MAP2: variants seen among roughly 807,000 people sequenced by gnomAD.
MAP2 encodes microtubule associated protein 2.
Under a neutral mutation model 137.6 loss-of-function variants are expected in MAP2, and 14 were observed. That is an observed-to-expected ratio of 0.10 (90% CI 0.07 to 0.16). The LOEUF (loss-of-function observed/expected upper bound fraction) is 0.16, where lower values mean the gene tolerates loss of function less well. Among genes scored for constraint, MAP2 ranks in the 10% least tolerant of loss-of-function variants. The pLI is 1.00. For missense variants in MAP2, 2,088 were observed against 2,191.5 expected (o/e 0.95, Z 0.94); for synonymous variants, 786 against 782.3 (o/e 1.00, Z -0.08).
At chr2:209,716,512 A>T (rs984713806) in intron 13 of MAP2, among the ~76,000 whole-genome samples, 2 of 152,236 alleles carry the variant, frequency 1.3e-5, no homozygotes, top group Non-Finnish European at 2.9e-5. Context: ...TAAACTTTTT[A>T]AAAACATTTT....
In MAP2 at chr2:209,449,788, T is replaced by A. The variant is rs183446860; in HGVS notation, c.-222+25512T>A. The stretch of plus-strand genomic sequence containing the variant: ...CAGATCTGAATAGGCTTTCATTGTG[T>A]ATGTCTGAAAAGATTTTGTATTGAA... On this transcript the variant is annotated intron_variant, in intron 1 of 15. Coordinates refer to ENST00000682079, the MANE Select transcript of MAP2 (RefSeq NM_001375505.1). Among the ~76,000 whole-genome samples, 467 of 152,318 alleles carry A rather than the reference T, an allele frequency of 3.1e-3. 2 individuals carry two copies. Among genetic ancestry groups the A allele is most frequent in the African/African-American group, 0.011 (439 of 41,582 alleles).
intron 4 of MAP2, among the ~76,000 whole-genome samples, chr2:209,647,048 A>G (rs73072859): frequency 0.017 from 2,558 of 152,252 alleles, 77 homozygotes; most frequent in African/African-American, 0.059. Context: ...GAAACCTTAC[A>G]GTCATGGTAG....
rs571719529 is a variant in MAP2 at position 209,570,282 on chromosome 2, C to T, written c.-171-9754C>T. Among the ~76,000 whole-genome samples the T allele has an allele frequency of 3.9e-5, 6 of 151,902 alleles. No individual in the cohort carries two copies. The South Asian group carries it at 6.2e-4, about 16-fold the overall frequency. On this transcript the variant is annotated intron_variant, in intron 2 of 15. Coordinates refer to ENST00000682079, the MANE Select transcript of MAP2 (RefSeq NM_001375505.1). The stretch of plus-strand genomic sequence containing the variant: ...GGAAAATTCTTAGTTCTATGTTTAT[C>T]TCTTCCTCTTCTGATACCTTCTAAG...
Position 209,535,417 on chromosome 2 carries a change from T to C in MAP2, c.-172+27776T>C, listed in dbSNP as rs114753386. On this transcript the variant is annotated intron_variant, in intron 2 of 15. Transcript: ENST00000682079. ...CACATTGTGGTAGACAGGTCTTTGA[T>C]CCCTGCAAAGCTTTAAGAACACTTT... 9.6e-3 allele frequency among the ~76,000 whole-genome samples: 1,457 copies of C among 152,320 alleles called. 18 individuals are homozygous for C. Among genetic ancestry groups the C allele is most frequent in the African/African-American group, 0.034 (1,398 of 41,560 alleles).
At chr2:209,539,923 C>A (rs2066614452) in intron 2 of MAP2, among the ~76,000 whole-genome samples, 1 of 141,328 alleles carries the variant, frequency 7.1e-6, no homozygotes, top group East Asian at 2.0e-4. Context: ...CATAGTGAGA[C>A]CCCATCTCAC....
At position 209,620,681 on chromosome 2, in the gene MAP2, A is replaced by G. The variant is rs186123743; in HGVS notation, c.-106-4372A>G. 1.4e-3 allele frequency among the ~76,000 whole-genome samples: 206 copies of G among 152,284 alleles called. 1 individual carries two copies. The highest frequency in any genetic ancestry group is 3.7e-3 in the African/African-American group (155 of 41,564). ...TGGCATCTGCTTTCCTATTTAAAAG[A>G]CTGCTTGAATAATAGATATTTTCCC... On this transcript the variant is annotated intron_variant, in intron 3 of 15. Coordinates refer to ENST00000682079, the MANE Select transcript of MAP2 (RefSeq NM_001375505.1).
At chr2:209,560,634 C>T (rs2071823666) in intron 2 of MAP2, among the ~76,000 whole-genome samples, 1 of 152,010 alleles carries the variant, frequency 6.6e-6, no homozygotes, top group African/African-American at 2.4e-5. Flanking sequence ...ACATGAGGCA[C>T]TGCACCTTGC....
chr2:209,675,215 A>G (rs1327152904), intron 5 of MAP2, among the ~76,000 whole-genome samples: 1 of 151,900 alleles, frequency 6.6e-6, no homozygotes, highest in Non-Finnish European at 1.5e-5. Context: ...AGAAGAAAAA[A>G]TTTACCAATT....
At chr2:209,630,145 T>C (rs1481889989) in intron 4 of MAP2, among the ~76,000 whole-genome samples, 5 of 151,958 alleles carry the variant, frequency 3.3e-5, no homozygotes, top group Non-Finnish European at 7.4e-5. Context: ...TAAGTCACTT[T>C]GCTTAAGCAG....
chr2:209,675,137 T>C (rs986772707), intron 5 of MAP2, among the ~76,000 whole-genome samples: 1 of 151,870 alleles, frequency 6.6e-6, no homozygotes, highest in Admixed American at 6.6e-5. Flanking sequence ...AAAGATAATA[T>C]GTCAATTAAG....
chr2:209,487,646 A>G lies in MAP2; in HGVS notation c.-221-19946A>G, dbSNP rs113676400. ...AGTTAACCATAAAGGCATTTCAAGG[A>G]AAAACTCAGACTTTGAAGACAAATG... On this transcript the variant is annotated intron_variant, in intron 1 of 15. Coordinates refer to ENST00000682079, the MANE Select transcript of MAP2 (RefSeq NM_001375505.1). Among the ~76,000 whole-genome samples the G allele has an allele frequency of 6.6e-3, 1,001 of 152,348 alleles. 4 individuals carry two copies. The highest frequency in any genetic ancestry group is 0.011 in the Non-Finnish European group (723 of 68,032).
At chr2:209,484,837 G>T (rs561987886) in intron 1 of MAP2, among the ~76,000 whole-genome samples, 120 of 152,254 alleles carry the variant, frequency 7.9e-4, no homozygotes, top group African/African-American at 2.8e-3. Context: ...AGAAAATAAG[G>T]CCTCCTCAAT....
At chr2:209,574,725 T>C (rs1422065666) in intron 2 of MAP2, among the ~76,000 whole-genome samples, 1 of 152,216 alleles carries the variant, frequency 6.6e-6, no homozygotes, top group Non-Finnish European at 1.5e-5. Context: ...CTTTTTGTCT[T>C]TTTTGACCAA....
chr2:209,642,639 T>C (rs1040300414), intron 4 of MAP2, among the ~76,000 whole-genome samples: 1 of 152,150 alleles, frequency 6.6e-6, no homozygotes, highest in East Asian at 1.9e-4. Flanking sequence ...TTATTAGTCA[T>C]GGTATGTGAT....
chr2:209,575,518 CAAAAAAAAAAAAAAAAA>C (rs71043942), intron 2 of MAP2, among the ~76,000 whole-genome samples: 1 of 28,374 alleles, frequency 3.5e-5, no homozygotes, highest in East Asian at 1.3e-3. Context: ...GACTCCATCT[CAAAAAAAAAAAAAAAAA>C]AAAAAAAAAT....
chr2:209,528,736 A>G (rs1374243449), intron 2 of MAP2, among the ~76,000 whole-genome samples: 1 of 151,084 alleles, frequency 6.6e-6, no homozygotes, highest in African/African-American at 2.4e-5. Flanking sequence ...ACATAAATAT[A>G]CATGTATATA....
chr2:209,477,652 C>T (rs1707628231), intron 1 of MAP2, among the ~76,000 whole-genome samples: 1 of 152,058 alleles, frequency 6.6e-6, no homozygotes, highest in South Asian at 2.1e-4. Context: ...TCTCTGCATC[C>T]CTTCTAACAT....
intron 1 of MAP2, among the ~76,000 whole-genome samples, chr2:209,482,284 GA>G (rs1288207914): frequency 3.3e-5 from 5 of 152,080 alleles, no homozygotes; most frequent in Non-Finnish European, 7.4e-5. Flanking sequence ...ATATAGACAT[GA>G]AAAAATGTTT....
intron 6 of MAP2, among the ~76,000 whole-genome samples, chr2:209,679,675 A>G (rs1023398169): frequency 6.6e-6 from 1 of 152,102 alleles, no homozygotes; most frequent in African/African-American, 2.4e-5. Flanking sequence ...AATTTAGAAT[A>G]CACTCAGTAT....
Sources: allele counts gnomAD v4.1 joint callset (sites outside exome capture counted in the v4.1 genomes callset), GRCh38; gene constraint gnomAD v4.1.1; transcripts MANE v1.5; gene names NCBI Gene and HGNC (gene_info 2026-07-23, HGNC 2026-07-21).